PLEKHF2: variants seen among roughly 807,000 people sequenced by gnomAD.
The protein encoded by PLEKHF2 is pleckstrin homology and FYVE domain containing 2.
A neutral mutation model predicts 14.7 loss-of-function variants in PLEKHF2; 4 were observed. The observed-to-expected ratio is 0.27, with a 90% CI of 0.13 to 0.62. The LOEUF (loss-of-function observed/expected upper bound fraction) is 0.62, where lower values mean the gene tolerates loss of function less well. PLEKHF2 is among the 20% of genes least tolerant of loss of function. The pLI, the probability that PLEKHF2 is intolerant of heterozygous loss-of-function variation, is 0.85. For missense variants in PLEKHF2, 201 were observed against 307.7 expected (o/e 0.65, Z 2.60); for synonymous variants, 90 against 103.5 (o/e 0.87, Z 0.79).
At position 95,154,379 on chromosome 8, in the gene PLEKHF2, A is replaced by G; in HGVS notation, c.335A>G (p.Tyr112Cys). 1.9e-6 allele frequency: 3 copies of G among 1,614,148 alleles called. No homozygotes were observed. Among genetic ancestry groups the G allele is most frequent in the Non-Finnish European group, 2.5e-6 (3 of 1,179,992 alleles). Residue 112 changes from tyrosine to cysteine, a missense_variant, in exon 2 of 2, where the codon TAT becomes TGT. Transcript: ENST00000315367. This position sits in a 1 kb window ranked among gnomAD's most constrained non-coding sequence, Gnocchi z 5.6. ...IKTPTKSFAV[Y>C]AATATEKSEW... ...ACACCAACTAAATCTTTTGCAGTTT[A>G]TGCTGCCACTGCTACGGAGAAATCA...
At chr8:95,142,594 A>T (rs1033877705) in intron 1 of PLEKHF2, among the ~76,000 whole-genome samples, 1 of 152,216 alleles carries the variant, frequency 6.6e-6, no homozygotes, top group African/African-American at 2.4e-5. Flanking sequence ...TACAGCTGTC[A>T]GCACTGTACA....
At chr8:95,140,789 G>T (rs1810431059) in intron 1 of PLEKHF2, among the ~76,000 whole-genome samples, 2 of 151,698 alleles carry the variant, frequency 1.3e-5, no homozygotes. Context: ...CTTTACCACT[G>T]TTTTTTTTGT....
In PLEKHF2 at chr8:95,139,918, G is replaced by A. The variant is rs297560; in HGVS notation, c.-15+5888G>A. The stretch of plus-strand genomic sequence containing the variant: ...TGAGAGCAGGTTGAAAAGGTGCTTT[G>A]TGCTCCTTTGTGTCCCGTTCTTTTT... On this transcript the variant is annotated intron_variant, in intron 1 of 1. Transcript: ENST00000315367. Among the ~76,000 whole-genome samples the A allele has an allele frequency of 4.3e-3, 644 of 151,286 alleles. 7 individuals carry two copies. The highest frequency in any genetic ancestry group is 0.014 in the African/African-American group (585 of 41,170).
At chr8:95,148,035 TAATG>T (rs1479852729) in intron 1 of PLEKHF2, among the ~76,000 whole-genome samples, 1 of 151,828 alleles carries the variant, frequency 6.6e-6, no homozygotes, top group African/African-American at 2.4e-5. Flanking sequence ...ACTCAAGAAT[TAATG>T]AACAATATTT....
intron 1 of PLEKHF2, among the ~76,000 whole-genome samples, chr8:95,146,036 A>G (rs1810496898): frequency 6.6e-6 from 1 of 152,114 alleles, no homozygotes; most frequent in Non-Finnish European, 1.5e-5. Context: ...TAAAGTTTCA[A>G]TCCAGCAGTG....
Position 95,154,405 on chromosome 8 carries a change from G to C in PLEKHF2, c.361G>C (p.Glu121Gln). Reference protein sequence around the residue: ...VYAATATEKSEWMNHINKCVT... With the variant: ...VYAATATEKSQWMNHINKCVT... ...TGCTGCCACTGCTACGGAGAAATCA[G>C]AATGGATGAATCATATAAATAAATG... Residue 121 changes from glutamate (E) to glutamine (Q), a missense_variant, in exon 2 of 2, where the codon GAA becomes CAA. Glu to Gln is a conservative substitution (Grantham distance 29). Coordinates refer to ENST00000315367, the MANE Select transcript of PLEKHF2 (RefSeq NM_024613.4). The surrounding 1 kb of genome is among the most constrained non-coding windows in gnomAD (Gnocchi z 5.6). The C allele has an allele frequency of 6.2e-7, 1 of 1,614,050 alleles. No individual in the cohort carries two copies. Among genetic ancestry groups the C allele is most frequent in the Non-Finnish European group, 8.5e-7 (1 of 1,179,968 alleles).
intron 1 of PLEKHF2, among the ~76,000 whole-genome samples, chr8:95,142,399 T>C (rs1317205664): frequency 6.6e-6 from 1 of 152,044 alleles, no homozygotes; most frequent in African/African-American, 2.4e-5. Context: ...GGACCACAAG[T>C]GCACACCGCC....
At chr8:95,151,290 ATG>A (rs1810560519) in intron 1 of PLEKHF2, among the ~76,000 whole-genome samples, 2 of 152,148 alleles carry the variant, frequency 1.3e-5, no homozygotes, top group South Asian at 4.1e-4. Flanking sequence ...TGTGTTGTAT[ATG>A]AGTTAATAAC....
In PLEKHF2 at chr8:95,154,106, G is replaced by C. The variant is rs151174692; in HGVS notation, c.62G>C (p.Cys21Ser). The C allele has an allele frequency of 3.0e-5, 48 of 1,613,722 alleles. No individual in the cohort carries two copies. Among genetic ancestry groups the C allele is most frequent in the Non-Finnish European group, 3.7e-5 (44 of 1,179,894 alleles). The change falls in exon 2 of 2, where the codon TGT becomes TCT. Residue 21 changes from cysteine to serine, a missense_variant. Cys to Ser is a moderately radical substitution (Grantham distance 112). Coordinates refer to ENST00000315367, the MANE Select transcript of PLEKHF2 (RefSeq NM_024613.4). This position sits in a 1 kb window ranked among gnomAD's most constrained non-coding sequence, Gnocchi z 5.6. ...NTRRISIVEN[C>S]FGAAGQPLTI... ...AGACGTATAAGTATAGTGGAAAACTGTTTTGGAGCAGCTGGTCAACCTTTA... is the reference window on the plus strand; with the variant it reads ...AGACGTATAAGTATAGTGGAAAACTCTTTTGGAGCAGCTGGTCAACCTTTA...
intron 1 of PLEKHF2, among the ~76,000 whole-genome samples, chr8:95,143,726 AAG>A (rs1463207961): frequency 6.6e-6 from 1 of 152,242 alleles, no homozygotes; most frequent in Non-Finnish European, 1.5e-5. Context: ...AATGTAGAGA[AAG>A]AGGTAAAACT....
chr8:95,134,547 C>G (rs1810354968), intron 1 of PLEKHF2, among the ~76,000 whole-genome samples: 1 of 152,148 alleles, frequency 6.6e-6, no homozygotes, highest in African/African-American at 2.4e-5. Context: ...ACTTGGGAGA[C>G]GAAAATGGCC....
intron 1 of PLEKHF2, among the ~76,000 whole-genome samples, chr8:95,147,143 T>G (rs1810507811): frequency 6.6e-6 from 1 of 152,066 alleles, no homozygotes; most frequent in Admixed American, 6.5e-5. Flanking sequence ...ATAATGTAAG[T>G]TTCATCAACA....
At chr8:95,144,454 A>C (rs1394316216) in intron 1 of PLEKHF2, among the ~76,000 whole-genome samples, 1 of 152,232 alleles carries the variant, frequency 6.6e-6, no homozygotes, top group Non-Finnish European at 1.5e-5. Flanking sequence ...ATAGATATGT[A>C]ATTTTTTTCC....
chr8:95,143,534 G>A (rs1196908360), intron 1 of PLEKHF2, among the ~76,000 whole-genome samples: 1 of 152,176 alleles, frequency 6.6e-6, no homozygotes, highest in Non-Finnish European at 1.5e-5. Flanking sequence ...CTGGCCACAG[G>A]ATATACCCAG....
intron 1 of PLEKHF2, among the ~76,000 whole-genome samples, chr8:95,150,993 T>C (rs2439648): frequency 0.22 from 34,073 of 151,966 alleles, 4,923 homozygotes; most frequent in East Asian, 0.48. Flanking sequence ...GAGGAGGAAA[T>C]ACAGTAATAA....
chr8:95,145,191 A>C (rs759702793), intron 1 of PLEKHF2, among the ~76,000 whole-genome samples: 6 of 152,120 alleles, frequency 3.9e-5, no homozygotes, highest in Non-Finnish European at 8.8e-5. Flanking sequence ...CAGAATTTTG[A>C]AGTTTCCATG....
At chr8:95,140,093 C>T (rs750177149) in intron 1 of PLEKHF2, among the ~76,000 whole-genome samples, 3 of 152,182 alleles carry the variant, frequency 2.0e-5, no homozygotes, top group Non-Finnish European at 4.4e-5. Context: ...CCTGGCATCT[C>T]TGTCCCGCAG....
rs529350059 is a variant in PLEKHF2, at chr8:95,147,063, G to A, written c.-14-6968G>A. On this transcript the variant is annotated intron_variant, in intron 1 of 1. Coordinates refer to ENST00000315367, the MANE Select transcript of PLEKHF2 (RefSeq NM_024613.4). The stretch of plus-strand genomic sequence containing the variant: ...TATGCCATAAAAGATTTGAAGCCTT[G>A]GGAGGAGATAACTATCACCCTTAAA... 3.3e-5 allele frequency among the ~76,000 whole-genome samples: 5 copies of A among 152,124 alleles called. 1 individual carries two copies. Among genetic ancestry groups the A allele is most frequent in the African/African-American group, 1.2e-4 (5 of 41,562 alleles).
intron 1 of PLEKHF2, among the ~76,000 whole-genome samples, chr8:95,151,307 T>G (rs1207666902): frequency 6.6e-6 from 1 of 152,116 alleles, no homozygotes; most frequent in Non-Finnish European, 1.5e-5. Context: ...AATAACGATA[T>G]GTTCAAATGG....
Sources: gnomAD v4.1 joint callset for allele counts (sites outside exome capture counted in the v4.1 genomes callset) on GRCh38, gnomAD v4.1.1 for gene constraint, Gnocchi (gnomAD v3.1) non-coding constraint, MANE v1.5 for transcripts, NCBI Gene and HGNC (gene_info 2026-07-23, HGNC 2026-07-21) for gene names.